Variants in RILPL1 observed in about 807,000 individuals in gnomAD.
RILPL1 encodes RILP-like protein 1.
RILPL1 carries 33 observed loss-of-function variants against 50.3 expected under a neutral mutation model. The ratio of observed to expected loss-of-function variants is 0.66; its 90% CI spans 0.50 to 0.88. The LOEUF (loss-of-function observed/expected upper bound fraction) is 0.88, where lower values mean the gene tolerates loss of function less well. RILPL1 is among the 40% of genes least tolerant of loss of function. The probability of loss-of-function intolerance (pLI) is 0.00; values close to 1 mark genes in which losing one functional copy is unlikely to be tolerated. For synonymous variants in RILPL1, 205 were observed against 228.6 expected (o/e 0.90, Z 0.93); for missense variants, 418 against 542.5 (o/e 0.77, Z 2.28).
chr12:123,528,509 G>A (rs1885338538), intron 1 of RILPL1, among the ~76,000 whole-genome samples: 1 of 150,250 alleles, frequency 6.7e-6, no homozygotes, highest in Non-Finnish European at 1.5e-5. Context: ...CTCACTGCAA[G>A]CTCCGCCTCC....
chr12:123,473,013 GTTTC>G (rs1277289950), intron 6 of RILPL1: 2 of 245,872 alleles, frequency 8.1e-6, no homozygotes, highest in African/African-American at 4.4e-5. Context: ...CAAATCTTGG[GTTTC>G]TTTAATTACC....
chr12:123,509,296 G>C (rs1310133745), intron 2 of RILPL1, among the ~76,000 whole-genome samples: 2 of 152,208 alleles, frequency 1.3e-5, no homozygotes, highest in Non-Finnish European at 2.9e-5. Flanking sequence ...GGGCATGGTG[G>C]CTCACGCCTA....
At chr12:123,499,566 G>T in intron 2 of RILPL1, 30 bp from the exon 3 acceptor site, 1 of 1,514,316 alleles carries the variant, frequency 6.6e-7, no homozygotes, top group Non-Finnish European at 9.2e-7. Context: ...CGGCAGGTGA[G>T]CCCGCCTTAC....
At chr12:123,509,608 G>A (rs73412280) in intron 2 of RILPL1, among the ~76,000 whole-genome samples, 15,941 of 150,780 alleles carry the variant, frequency 0.11, 2,129 homozygotes, top group African/African-American at 0.31. Context: ...ATGCTGCCAC[G>A]TGGATGAACC....
In RILPL1 at chr12:123,485,428, T is replaced by C. The variant is rs754814838; in HGVS notation, c.974+205A>G. On this transcript the variant is annotated intron_variant, in intron 5 of 6. Transcript: ENST00000376874. This position sits in a 1 kb window ranked among gnomAD's most constrained non-coding sequence, Gnocchi z 4.0. Reference sequence around the variant, plus strand: ...CCTCCCAAAATACTGGAATTAAAGGTGTGAGCTCTGGTGCCCGGCCTGGGC... The same window carrying C: ...CCTCCCAAAATACTGGAATTAAAGGCGTGAGCTCTGGTGCCCGGCCTGGGC... Among the ~76,000 whole-genome samples, 12 of 152,076 alleles carry C rather than the reference T, an allele frequency of 7.9e-5. No individual in the cohort carries two copies. Among genetic ancestry groups the C allele is most frequent in the Non-Finnish European group, 1.6e-4 (11 of 68,012 alleles).
chr12:123,510,624 T>A (rs111173991), intron 2 of RILPL1, among the ~76,000 whole-genome samples: 2,611 of 82,218 alleles, frequency 0.032, no homozygotes, highest in African/African-American at 0.14. Context: ...GTGTGGTATA[T>A]GTGTGTGATG....
chr12:123,511,923 T>C (rs1379542640), intron 2 of RILPL1, among the ~76,000 whole-genome samples: 1 of 129,006 alleles, frequency 7.8e-6, no homozygotes, highest in Non-Finnish European at 1.7e-5. Context: ...TCTGTGTCTG[T>C]GTGTGGTGTG....
chr12:123,524,484 G>A (rs897231433), intron 1 of RILPL1, among the ~76,000 whole-genome samples: 7 of 152,124 alleles, frequency 4.6e-5, no homozygotes, highest in Admixed American at 1.3e-4. Flanking sequence ...ACGCGTGCAG[G>A]TGAATGTTCC....
intron 2 of RILPL1, among the ~76,000 whole-genome samples, chr12:123,503,303 C>T (rs912800956): frequency 5.5e-5 from 8 of 144,608 alleles, no homozygotes; most frequent in South Asian, 2.2e-4. Context: ...CCGGTTCAAG[C>T]GATTCTTCTG....
At chr12:123,520,150 A>G (rs933100072) in intron 2 of RILPL1, among the ~76,000 whole-genome samples, 2 of 152,276 alleles carry the variant, frequency 1.3e-5, no homozygotes, top group Non-Finnish European at 2.9e-5. Context: ...TGTTCACAGC[A>G]GCACGATTCA....
intron 6 of RILPL1, among the ~76,000 whole-genome samples, chr12:123,480,092 G>A (rs1027517548): frequency 2.6e-5 from 4 of 151,928 alleles, no homozygotes; most frequent in African/African-American, 9.7e-5. Flanking sequence ...ACATATGACC[G>A]TGGGTGCTGG....
intron 1 of RILPL1, among the ~76,000 whole-genome samples, chr12:123,525,700 C>CAAAAAAAAAAAAAAA (rs1207503097): frequency 3.6e-4 from 16 of 44,950 alleles, no homozygotes; most frequent in Admixed American, 1.0e-3. Context: ...GACACTGTCT[C>CAAAAAAAAAAAAAAA]AAAAAAAAAA....
chr12:123,530,492 G>A (rs1241775321), intron 1 of RILPL1, among the ~76,000 whole-genome samples: 1 of 152,080 alleles, frequency 6.6e-6, no homozygotes, highest in Non-Finnish European at 1.5e-5. Context: ...TATTAACATG[G>A]CAAAGCTGCA....
chr12:123,480,482 C>G (rs1389890245), intron 6 of RILPL1, among the ~76,000 whole-genome samples: 3 of 151,972 alleles, frequency 2.0e-5, no homozygotes, highest in Admixed American at 2.0e-4. Context: ...TTCTTAACGA[C>G]CTGGGAACAA....
At chr12:123,504,466 C>T (rs1883612427) in intron 2 of RILPL1, among the ~76,000 whole-genome samples, 1 of 152,124 alleles carries the variant, frequency 6.6e-6, no homozygotes, top group Non-Finnish European at 1.5e-5. Flanking sequence ...CAGGTAAGGC[C>T]TGGGTCCTGA....
In RILPL1 at chr12:123,485,938, C is replaced by T. The variant is rs758018157; in HGVS notation, c.802-133G>A. ...TGTGGAGGGTGCTATTTTCAGCACT[C>T]GCAGGCGGCCCTTGCTCACGTTCTG... On this transcript the variant is annotated intron_variant, in intron 4 of 6. Coordinates refer to ENST00000376874, the MANE Select transcript of RILPL1 (RefSeq NM_178314.5). This position sits in a 1 kb window ranked among gnomAD's most constrained non-coding sequence, Gnocchi z 4.0. 7.8e-5 allele frequency: 66 copies of T among 842,104 alleles called. No individual in the cohort carries two copies. Among genetic ancestry groups the T allele is most frequent in the African/African-American group, 1.1e-4 (6 of 56,578 alleles). 52.2% of individuals were successfully genotyped at this position (842,104 alleles called of 1,614,324 possible).
rs1295170425 is a variant in RILPL1 at position 123,471,566 on chromosome 12, GCT to G, written c.*970_*971del. On this transcript the variant is annotated 3_prime_UTR_variant, in exon 7 of 7. Coordinates refer to ENST00000376874, the MANE Select transcript of RILPL1 (RefSeq NM_178314.5). ...CTCACCAGTTGCAGTAGAGCATCTGGCTCTCTGTCTGCTGCTATAGCCCTGTG... is the reference window on the plus strand; with the variant it reads ...CTCACCAGTTGCAGTAGAGCATCTGGCTCTGTCTGCTGCTATAGCCCTGTG... 1.3e-5 allele frequency: 2 copies of G among 152,148 alleles called. No individual in the cohort carries two copies. Among genetic ancestry groups the G allele is most frequent in the Non-Finnish European group, 2.9e-5 (2 of 68,092 alleles). 9.4% of individuals were successfully genotyped at this position (152,148 alleles called of 1,614,324 possible). A position where few individuals can be genotyped will look rare whatever the true frequency, so the allele number is the denominator to read the frequency against.
In RILPL1 at chr12:123,472,443, C is replaced by G. The variant is rs773941323; in HGVS notation, c.*95G>C. 7.2e-7 allele frequency: 1 copy of G among 1,397,506 alleles called. No homozygotes were observed. Among genetic ancestry groups the G allele is most frequent in the African/African-American group, 1.4e-5 (1 of 69,294 alleles). 86.6% of individuals were successfully genotyped at this position (1,397,506 alleles called of 1,614,324 possible). A position where few individuals can be genotyped will look rare whatever the true frequency, so the allele number is the denominator to read the frequency against. On this transcript the variant is annotated 3_prime_UTR_variant, in exon 7 of 7. Coordinates refer to ENST00000376874, the MANE Select transcript of RILPL1 (RefSeq NM_178314.5). ...GTCAGTTTTCAGGGTGCATCTGCAC[C>G]GAGAGGCTTGAGGCAGCAATGACCC...
Position 123,527,832 on chromosome 12 carries a change from G to A in RILPL1, c.310-4187C>T, listed in dbSNP as rs553108437. ...GCTGGCTTTGAAGATGGAGGAAGGGGCCACAAGCCAGGGAATGCAGAGTCC... is the reference window on the plus strand; with the variant it reads ...GCTGGCTTTGAAGATGGAGGAAGGGACCACAAGCCAGGGAATGCAGAGTCC... On this transcript the variant is annotated intron_variant, in intron 1 of 6. Coordinates refer to ENST00000376874, the MANE Select transcript of RILPL1 (RefSeq NM_178314.5). Among the ~76,000 whole-genome samples the A allele has an allele frequency of 7.3e-4, 111 of 152,102 alleles. 2 individuals carry two copies. The highest frequency in any genetic ancestry group is 1.4e-3 in the Non-Finnish European group (95 of 68,016).
Sources: allele counts gnomAD v4.1 joint callset (sites outside exome capture counted in the v4.1 genomes callset), GRCh38; gene constraint gnomAD v4.1.1; non-coding constraint Gnocchi (gnomAD v3.1); transcripts MANE v1.5; gene names NCBI Gene and HGNC (gene_info 2026-07-23, HGNC 2026-07-21).